The following AGBL4 variants were observed in gnomAD, a reference collection of about 807,000 sequenced individuals.
AGBL4 encodes cytosolic carboxypeptidase 6.
AGBL4 carries 58 observed loss-of-function variants against 66.4 expected under a neutral mutation model. That is an observed-to-expected ratio of 0.87 (90% CI 0.71 to 1.09). The LOEUF is 1.09. Ranked by LOEUF, AGBL4 falls within the 50% of genes least tolerant of loss-of-function variation. AGBL4 has a pLI of 0.00. For missense variants in AGBL4, 579 were observed against 631.0 expected, an observed-to-expected ratio of 0.92 and a Z score of 0.88; for synonymous variants, 234 against 222.9, an observed-to-expected ratio of 1.05 and a Z score of -0.44.
intron 1 of AGBL4, among the ~76,000 whole-genome samples, chr1:49,971,054 A>C (rs969659309): frequency 6.6e-6 from 1 of 152,192 alleles, no homozygotes; most frequent in South Asian, 2.1e-4. Flanking sequence ...GTACTGGATT[A>C]TTTAAATATA....
At chr1:49,319,318 T>C (rs1645091924) in intron 3 of AGBL4, among the ~76,000 whole-genome samples, 1 of 152,180 alleles carries the variant, frequency 6.6e-6, no homozygotes, top group Admixed American at 6.6e-5. Flanking sequence ...GTCATGAGAC[T>C]TATGTTCATA....
intron 1 of AGBL4, among the ~76,000 whole-genome samples, chr1:50,015,247 A>T (rs918261263): frequency 1.3e-5 from 2 of 152,118 alleles, no homozygotes; most frequent in Non-Finnish European, 2.9e-5. Flanking sequence ...CTGTCAGGGA[A>T]CCGTTCTCTG....
At chr1:50,008,631 A>G (rs568020889) in intron 1 of AGBL4, among the ~76,000 whole-genome samples, 1 of 151,878 alleles carries the variant, frequency 6.6e-6, no homozygotes, top group African/African-American at 2.4e-5. Context: ...CAAACCCAAA[A>G]TTAATAGAAA....
At chr1:49,606,881 C>A in intron 3 of AGBL4, among the ~76,000 whole-genome samples, 1 of 152,082 alleles carries the variant, frequency 6.6e-6, no homozygotes, top group South Asian at 2.1e-4. Flanking sequence ...CAATCTACCA[C>A]ATTCATGGCA....
At chr1:48,913,432 T>A (rs1359815602) in intron 5 of AGBL4, among the ~76,000 whole-genome samples, 1 of 152,140 alleles carries the variant, frequency 6.6e-6, no homozygotes, top group African/African-American at 2.4e-5. Context: ...AGAGCAAAGC[T>A]TCATCTGTAT....
rs539681975 is a variant in AGBL4 at position 48,980,011 on chromosome 1, A to G, written c.594+65573T>C. On this transcript the variant is annotated intron_variant, in intron 5 of 13. Transcript: ENST00000371839. ...TCTCTGTAGTATTTATTATGTCTATAGTATTATAGATGCTTACTCAGGAAG... is the reference window on the plus strand; with the variant it reads ...TCTCTGTAGTATTTATTATGTCTATGGTATTATAGATGCTTACTCAGGAAG... Among the ~76,000 whole-genome samples the G allele has an allele frequency of 1.5e-4, 23 of 152,284 alleles. 1 individual carries two copies. The South Asian group carries it at 4.1e-3, about 27-fold the overall frequency.
chr1:49,062,478 T>A (rs1644420791), intron 4 of AGBL4, among the ~76,000 whole-genome samples: 1 of 152,228 alleles, frequency 6.6e-6, no homozygotes. Flanking sequence ...CCAAGTCTGG[T>A]ACATAGTAAT....
At chr1:49,687,774 A>T (rs1646813917) in intron 3 of AGBL4, among the ~76,000 whole-genome samples, 2 of 151,834 alleles carry the variant, frequency 1.3e-5, no homozygotes, top group South Asian at 2.1e-4. Flanking sequence ...AAGCCTATCT[A>T]AAAAAAATAA....
At chr1:49,711,771 T>C (rs1461655855) in intron 2 of AGBL4, among the ~76,000 whole-genome samples, 1 of 152,074 alleles carries the variant, frequency 6.6e-6, no homozygotes, top group East Asian at 1.9e-4. Flanking sequence ...CTCTCCACTA[T>C]CTCATTTTCC....
intron 6 of AGBL4, among the ~76,000 whole-genome samples, chr1:48,863,642 GA>G (rs1188816804): frequency 6.6e-6 from 1 of 152,044 alleles, no homozygotes; most frequent in Non-Finnish European, 1.5e-5. Context: ...GTATCGAGAA[GA>G]AAATAGATTT....
chr1:48,846,362 GAAGA>G (rs72459142), intron 6 of AGBL4, among the ~76,000 whole-genome samples: 23,420 of 118,340 alleles, frequency 0.2, 2,284 homozygotes, highest in East Asian at 0.22. Flanking sequence ...GAGAAAGAAA[GAAGA>G]AAGAAAGAAA....
At chr1:49,836,873 T>C (rs1049666721) in intron 2 of AGBL4, among the ~76,000 whole-genome samples, 5 of 152,178 alleles carry the variant, frequency 3.3e-5, no homozygotes, top group Non-Finnish European at 7.3e-5. Context: ...TGAAGGTCCA[T>C]TCCAGACCCA....
At chr1:48,603,112 A>C (rs1237558970) in intron 9 of AGBL4, among the ~76,000 whole-genome samples, 1 of 152,236 alleles carries the variant, frequency 6.6e-6, no homozygotes, top group Non-Finnish European at 1.5e-5. Context: ...GGAGAGAAAG[A>C]CAGTGTAGGC....
chr1:49,135,933 A>G lies in AGBL4; in HGVS notation c.378-90133T>C, dbSNP rs141846178. ...AAGTGTAATACATCATCATGTTAACAGTGATTGTAACTGAATTGTGAGACC... is the reference window on the plus strand; with the variant it reads ...AAGTGTAATACATCATCATGTTAACGGTGATTGTAACTGAATTGTGAGACC... On this transcript the variant is annotated intron_variant, in intron 4 of 13. Coordinates refer to ENST00000371839, the MANE Select transcript of AGBL4 (RefSeq NM_032785.4). 1.6e-3 allele frequency among the ~76,000 whole-genome samples: 241 copies of G among 152,286 alleles called. 4 individuals are homozygous for G. Among genetic ancestry groups the G allele is most frequent in the African/African-American group, 5.6e-3 (234 of 41,566 alleles).
intron 2 of AGBL4, among the ~76,000 whole-genome samples, chr1:49,702,489 C>CA (rs1184248368): frequency 6.6e-6 from 1 of 151,488 alleles, no homozygotes; most frequent in Non-Finnish European, 1.5e-5. Context: ...GGCTCCGTCC[C>CA]AAAAAAATAA....
chr1:49,247,167 A>T (rs1557764171), intron 3 of AGBL4, among the ~76,000 whole-genome samples: 1 of 152,112 alleles, frequency 6.6e-6, no homozygotes, highest in African/African-American at 2.4e-5. Flanking sequence ...CCAAAATTCC[A>T]TAACCCTAAA....
At chr1:48,883,908 G>A (rs1159387956) in intron 5 of AGBL4, among the ~76,000 whole-genome samples, 1 of 152,104 alleles carries the variant, frequency 6.6e-6, no homozygotes, top group Non-Finnish European at 1.5e-5. Context: ...TAAAAAGAGG[G>A]TCTATAAAAA....
intron 6 of AGBL4, among the ~76,000 whole-genome samples, chr1:48,784,880 T>G (rs536750530): frequency 4.5e-4 from 69 of 152,344 alleles, no homozygotes; most frequent in African/African-American, 1.6e-3. Flanking sequence ...GAAAATAAAT[T>G]TATTAATGTA....
chr1:49,952,058 GA>G (rs1208110233), intron 1 of AGBL4, among the ~76,000 whole-genome samples: 8 of 151,816 alleles, frequency 5.3e-5, no homozygotes, highest in African/African-American at 1.9e-4. Context: ...TTGGGATGAT[GA>G]AAATGTTCTG....
Sources: allele counts gnomAD v4.1 joint callset (sites outside exome capture counted in the v4.1 genomes callset), GRCh38; gene constraint gnomAD v4.1.1; transcripts MANE v1.5; gene names NCBI Gene and HGNC (gene_info 2026-07-23, HGNC 2026-07-21).